DNAH7: variants seen among roughly 807,000 people sequenced by gnomAD.
DNAH7 encodes axonemal beta dynein heavy chain 7.
DNAH7 carries 397 observed loss-of-function variants against 444.6 expected under a neutral mutation model. The observed-to-expected ratio is 0.89, with a 90% confidence interval of 0.82 to 0.97. DNAH7 has a LOEUF of 0.97. Among genes scored for constraint, DNAH7 ranks in the 50% least tolerant of loss-of-function variants. The probability of loss-of-function intolerance (pLI) is 0.00; values close to 1 mark genes in which losing one functional copy is unlikely to be tolerated. For missense variants in DNAH7, 4,902 were observed against 4,800.8 expected (o/e 1.02, Z -0.62); for synonymous variants, 1,636 against 1,624.4 (o/e 1.01, Z -0.17).
At chr2:195,745,190 A>C (rs917426641) in intron 63 of DNAH7, among the ~76,000 whole-genome samples, 8 of 152,236 alleles carry the variant, frequency 5.3e-5, no homozygotes, top group East Asian at 1.9e-4. Flanking sequence ...GCCAAGGCTC[A>C]AGAACTACGT....
At chr2:196,026,423 AC>A (rs1037822673) in intron 7 of DNAH7, among the ~76,000 whole-genome samples, 5 of 152,304 alleles carry the variant, frequency 3.3e-5, no homozygotes, top group African/African-American at 1.2e-4. Flanking sequence ...GAATGAAGAG[AC>A]CATCTTAAAG....
intron 31 of DNAH7, among the ~76,000 whole-genome samples, chr2:195,890,767 T>C (rs1185393869): frequency 2.0e-5 from 3 of 152,282 alleles, no homozygotes; most frequent in East Asian, 3.9e-4. Context: ...TTTCCAGCAA[T>C]AAGAGCAGAG....
At position 195,825,578 on chromosome 2, in the gene DNAH7, TA is replaced by T. The variant is rs928027046; in HGVS notation, c.9101-1134del. ...CTGAATATTATAACAAACACTGTAT[TA>T]AAAAAAACTGCATTTCAGAATATTT... On this transcript the variant is annotated intron_variant, in intron 48 of 64. Coordinates refer to ENST00000312428, the MANE Select transcript of DNAH7 (RefSeq NM_018897.3). 9.7e-4 allele frequency among the ~76,000 whole-genome samples: 148 copies of T among 152,194 alleles called. No individual in the cohort carries two copies. The Middle Eastern group carries it at 0.017, about 17-fold the overall frequency.
chr2:195,822,718 C>A (rs1161628330), intron 49 of DNAH7, among the ~76,000 whole-genome samples: 3 of 152,130 alleles, frequency 2.0e-5, no homozygotes, highest in African/African-American at 7.2e-5. Context: ...CTACCATAAC[C>A]AGTTATTAGT....
In DNAH7 at chr2:195,888,388, C is replaced by T. The variant is rs574510288; in HGVS notation, c.5276G>A (p.Trp1759Ter). The T allele has an allele frequency of 5.0e-5, 80 of 1,603,352 alleles. 2 individuals are homozygous for T. The South Asian group carries it at 7.8e-4, about 16-fold the overall frequency. The change falls in exon 33 of 65, where the codon TGG (tryptophan) becomes TAG (stop). Residue 1759 changes from tryptophan to a stop codon, truncating the protein, a stop_gained. Coordinates refer to ENST00000312428, the MANE Select transcript of DNAH7 (RefSeq NM_018897.3). LOFTEE classifies it high-confidence loss of function. ...MIYMEPHMLG[W>*]RPLMLSWVNL... ...CACCCAGGACAACATCAGTGGTCTC[C>T]AGCCTAACATGTGAGGCTCCATGTA...
rs969678723 is a variant in DNAH7, at chr2:196,044,988, C to A, written c.398+2364G>T. Among the ~76,000 whole-genome samples the A allele has an allele frequency of 2.0e-5, 3 of 151,848 alleles. No homozygotes were observed. The East Asian group carries it at 5.8e-4, about 29-fold the overall frequency. ...GGCTGAGGTGGGAGAAACATCTGAG[C>A]CCAGGGTGTCTAAGTCTGGAGTGAG... is the stretch of plus-strand genomic sequence containing the variant. On this transcript the variant is annotated intron_variant, in intron 5 of 64. Coordinates refer to ENST00000312428, the MANE Select transcript of DNAH7 (RefSeq NM_018897.3).
chr2:195,897,312 G>T (rs1020469044), intron 29 of DNAH7, among the ~76,000 whole-genome samples: 1 of 152,094 alleles, frequency 6.6e-6, no homozygotes, highest in African/African-American at 2.4e-5. Context: ...GTCATTAGTT[G>T]AACAAGCATT....
chr2:195,756,333 G>T, intron 61 of DNAH7, 48 bp from the exon 62 acceptor site: 1 of 1,444,562 alleles, frequency 6.9e-7, no homozygotes, highest in Non-Finnish European at 9.2e-7. Context: ...GATTATGATA[G>T]ATTATAAGCA....
At chr2:195,777,692 G>T (rs1393722160) in intron 59 of DNAH7, 108 bp downstream of exon 59, 2 of 1,140,050 alleles carry the variant, frequency 1.8e-6, no homozygotes, top group Non-Finnish European at 2.5e-6. Context: ...ACAGACAAGG[G>T]TAACAAAAAA....
Position 195,816,796 on chromosome 2 carries a change from G to A in DNAH7, c.9593C>T (p.Thr3198Ile). 1 of 1,614,088 alleles carries A rather than the reference G, an allele frequency of 6.2e-7. No homozygotes were observed. The highest frequency in any genetic ancestry group is 1.1e-5 in the South Asian group (1 of 91,088). The change falls in exon 51 of 65, where the codon ACC (threonine) becomes ATC (isoleucine). Residue 3198 changes from threonine (T) to isoleucine (I), a missense_variant. By Grantham distance (89) the Thr-to-Ile change is moderately conservative. Coordinates refer to ENST00000312428, the MANE Select transcript of DNAH7 (RefSeq NM_018897.3). ...AATAGGACGATAGCCCATGCGGGTG[G>A]TGTCAATCTTTTTCTCTGTCTCTTC... The part of the protein sequence containing the change: ...VAEETEKKID[T>I]TRMGYRPIAI...
At position 195,861,798 on chromosome 2, in the gene DNAH7, A is replaced by G. The variant is rs746616060; in HGVS notation, c.7655T>C (p.Leu2552Pro). ...IDLSKSFFVE[L>P]QRYNYVTPTS... ...AGGAGTCACATAATTGTATCTTTGA[A>G]GTTCAACAAAGAAAGATTTGGATAA... Residue 2552 changes from leucine (L) to proline (P), a missense_variant, in exon 42 of 65, where the codon CTT becomes CCT. Leu to Pro is a moderately conservative substitution (Grantham distance 98). Transcript: ENST00000312428. 1 of 1,613,220 alleles carries G rather than the reference A, an allele frequency of 6.2e-7. No homozygotes were observed. The highest frequency in any genetic ancestry group is 8.5e-7 in the Non-Finnish European group (1 of 1,179,266).
In DNAH7 at chr2:195,877,707, A is replaced by G. The variant is rs562541482; in HGVS notation, c.5962-1008T>C. On this transcript the variant is annotated intron_variant, in intron 36 of 64. Transcript: ENST00000312428. ...CCAGGAGTACGAGGAGGCAGAACAA[A>G]TATAGAAAATAAGGAAGACGTAGGG... Among the ~76,000 whole-genome samples, 6 of 152,356 alleles carry G rather than the reference A, an allele frequency of 3.9e-5. No homozygotes were observed. The East Asian group carries it at 1.2e-3, about 29-fold the overall frequency.
intron 63 of DNAH7, among the ~76,000 whole-genome samples, chr2:195,752,382 A>G (rs1360113104): frequency 2.0e-5 from 3 of 152,048 alleles, no homozygotes; most frequent in African/African-American, 7.2e-5. Context: ...TTCTGTCTGG[A>G]TGGTGGTGCC....
chr2:195,969,864 A>G (rs1000330219), intron 17 of DNAH7, 84 bp downstream of exon 17: 7 of 1,340,484 alleles, frequency 5.2e-6, no homozygotes, highest in Non-Finnish European at 7.1e-6. Flanking sequence ...ATTTGAATCT[A>G]CTTCTTAAAG....
At chr2:195,803,066 G>A (rs1384300852) in intron 54 of DNAH7, among the ~76,000 whole-genome samples, 1 of 152,176 alleles carries the variant, frequency 6.6e-6, no homozygotes, top group Non-Finnish European at 1.5e-5. Context: ...CTAATTGTCT[G>A]TCCCAGGACT....
intron 2 of DNAH7, among the ~76,000 whole-genome samples, chr2:196,052,254 G>A (rs1345523293): frequency 2.0e-5 from 3 of 152,176 alleles, no homozygotes; most frequent in Non-Finnish European, 2.9e-5. Flanking sequence ...TTCCAAGTTT[G>A]TTCCTTGAGC....
At chr2:195,975,670 G>T (rs1258142708) in intron 15 of DNAH7, among the ~76,000 whole-genome samples, 1 of 152,156 alleles carries the variant, frequency 6.6e-6, no homozygotes, top group Non-Finnish European at 1.5e-5. Flanking sequence ...CATTCCACTT[G>T]AGGAGAGGAA....
chr2:196,042,991 A>C (rs1239276262), intron 5 of DNAH7, among the ~76,000 whole-genome samples: 4 of 152,100 alleles, frequency 2.6e-5, no homozygotes, highest in Non-Finnish European at 5.9e-5. Context: ...CAGTTATATG[A>C]AATTTTAGAA....
At chr2:195,766,178 T>TTTTTTTTTTTTTTTTTTTTTTTTG (rs1694575804) in intron 61 of DNAH7, among the ~76,000 whole-genome samples, 1 of 116,648 alleles carries the variant, frequency 8.6e-6, no homozygotes, top group South Asian at 3.1e-4. Context: ...TTTTTTTTTT[T>TTTTTTTTTTTTTTTTTTTTTTTTG]TTTTTTTTTT....
Sources: allele counts gnomAD v4.1 joint callset (sites outside exome capture counted in the v4.1 genomes callset), GRCh38; gene constraint gnomAD v4.1.1; transcripts MANE v1.5; gene names NCBI Gene and HGNC (gene_info 2026-07-23, HGNC 2026-07-21).